Variants in AFG1L observed in about 807,000 individuals in gnomAD.
AFG1L encodes AFG1 like ATPase, also known as AFG1-like ATPase.
AFG1L carries 53 observed loss-of-function variants against 62.2 expected under a neutral mutation model. The ratio of observed to expected loss-of-function variants is 0.85; its 90% CI spans 0.68 to 1.07. The LOEUF (loss-of-function observed/expected upper bound fraction) is 1.07. AFG1L is among the 50% of genes least tolerant of loss of function. AFG1L has a pLI of 0.00. For missense variants in AFG1L, 555 were observed against 590.5 expected, an observed-to-expected ratio of 0.94 and a Z score of 0.62; for synonymous variants, 228 against 210.3, an observed-to-expected ratio of 1.08 and a Z score of -0.73.
intron 8 of AFG1L, among the ~76,000 whole-genome samples, chr6:108,470,482 G>A (rs1335554807): frequency 6.6e-6 from 1 of 152,192 alleles, no homozygotes; most frequent in Admixed American, 6.5e-5. Flanking sequence ...TGGCAGTTCT[G>A]TTTAGAAAGT....
chr6:108,364,193 A>G (rs1292060378), intron 5 of AFG1L, among the ~76,000 whole-genome samples: 7 of 152,140 alleles, frequency 4.6e-5, no homozygotes, highest in Non-Finnish European at 8.8e-5. Flanking sequence ...TCTTCTGTTC[A>G]CTTATACTGT....
intron 10 of AFG1L, among the ~76,000 whole-genome samples, chr6:108,488,577 G>A (rs1037939699): frequency 6.6e-6 from 1 of 152,058 alleles, no homozygotes; most frequent in Non-Finnish European, 1.5e-5. Flanking sequence ...TTGGGGCTGG[G>A]CGCAGTGGCT....
At chr6:108,442,196 T>C (rs1194721526) in intron 7 of AFG1L, among the ~76,000 whole-genome samples, 1 of 152,016 alleles carries the variant, frequency 6.6e-6, no homozygotes, top group East Asian at 1.9e-4. Flanking sequence ...CTTCTTTTTT[T>C]TTTTTACTGG....
intron 10 of AFG1L, among the ~76,000 whole-genome samples, chr6:108,497,364 G>A (rs911844057): frequency 7.3e-5 from 11 of 151,682 alleles, no homozygotes; most frequent in South Asian, 4.2e-4. Context: ...TTGTTTATTA[G>A]CCTCTTTTAC....
chr6:108,401,437 C>T (rs868665012), intron 6 of AFG1L, among the ~76,000 whole-genome samples: 19 of 151,940 alleles, frequency 1.3e-4, no homozygotes, highest in African/African-American at 3.1e-4. Flanking sequence ...CCACCGCGCC[C>T]GGCCGCCTGG....
intron 1 of AFG1L, among the ~76,000 whole-genome samples, chr6:108,318,789 G>T (rs772380142): frequency 2.6e-5 from 4 of 152,154 alleles, no homozygotes; most frequent in Non-Finnish European, 5.9e-5. Context: ...TGGAACTTCC[G>T]AATGGCATTT....
chr6:108,395,053 C>G (rs1781229365), intron 6 of AFG1L, among the ~76,000 whole-genome samples: 1 of 152,178 alleles, frequency 6.6e-6, no homozygotes, highest in South Asian at 2.1e-4. Context: ...ATCTAAATAG[C>G]CTGGCCAGCA....
intron 2 of AFG1L, among the ~76,000 whole-genome samples, chr6:108,344,151 T>C (rs1778781003): frequency 6.6e-6 from 1 of 152,156 alleles, no homozygotes; most frequent in African/African-American, 2.4e-5. Flanking sequence ...TCTCGTTCTG[T>C]TGCCCAGGCT....
At chr6:108,495,068 C>T (rs1004769292) in intron 10 of AFG1L, among the ~76,000 whole-genome samples, 1 of 152,114 alleles carries the variant, frequency 6.6e-6, no homozygotes, top group African/African-American at 2.4e-5. Context: ...AGCCACCACA[C>T]CCAGCCTTGT....
At position 108,516,991 on chromosome 6, in the gene AFG1L, T is replaced by G. The variant is rs541075723; in HGVS notation, c.1204-2706T>G. Among the ~76,000 whole-genome samples the G allele has an allele frequency of 2.6e-5, 4 of 152,092 alleles. 1 individual carries two copies. The South Asian group carries it at 8.3e-4, about 32-fold the overall frequency. Reference sequence around the variant, plus strand: ...AGGAGAGCTACAAACCACTGCTCAATGAAATAAAAGAGGATACAAACAAAT... The same window carrying G: ...AGGAGAGCTACAAACCACTGCTCAAGGAAATAAAAGAGGATACAAACAAAT... On this transcript the variant is annotated intron_variant, in intron 11 of 12. Transcript: ENST00000368977.
intron 7 of AFG1L, among the ~76,000 whole-genome samples, chr6:108,417,365 A>G (rs1770365409): frequency 6.6e-6 from 1 of 152,064 alleles, no homozygotes; most frequent in Non-Finnish European, 1.5e-5. Flanking sequence ...GAGGTAGCAC[A>G]TGTCAGGAGT....
intron 7 of AFG1L, among the ~76,000 whole-genome samples, chr6:108,435,606 A>T (rs1424182507): frequency 3.3e-5 from 5 of 152,206 alleles, no homozygotes; most frequent in African/African-American, 9.6e-5. Flanking sequence ...GAATCGCTTG[A>T]GGCCAGGAGA....
chr6:108,382,833 T>C (rs1462428650), intron 6 of AFG1L, among the ~76,000 whole-genome samples: 2 of 152,180 alleles, frequency 1.3e-5, no homozygotes, highest in Admixed American at 1.3e-4. Flanking sequence ...CATATCTTGA[T>C]TGTAGAGTTG....
chr6:108,323,952 GGAT>G lies in AFG1L; in HGVS notation c.273_275del (p.Asp91del). 6.2e-7 allele frequency: 1 copy of G among 1,614,084 alleles called. No individual in the cohort carries two copies. Among genetic ancestry groups the G allele is most frequent in the Non-Finnish European group, 8.5e-7 (1 of 1,179,966 alleles). On this transcript the variant is annotated inframe_deletion, in exon 2 of 13. Coordinates refer to ENST00000368977, the MANE Select transcript of AFG1L (RefSeq NM_145315.5). Reference sequence around the variant, plus strand: ...TTCTGATCAAAGCTCATGAGCTAAAGGATGATGAACATCAAAGAAGAGTCATAC... The same window carrying G: ...TTCTGATCAAAGCTCATGAGCTAAAGGATGAACATCAAAGAAGAGTCATAC...
intron 10 of AFG1L, among the ~76,000 whole-genome samples, chr6:108,497,132 C>T (rs1331380168): frequency 6.6e-6 from 1 of 151,920 alleles, no homozygotes; most frequent in Non-Finnish European, 1.5e-5. Context: ...AAGTTTATAA[C>T]TTTTTTTTAG....
At chr6:108,358,047 T>G (rs1779366176) in intron 5 of AFG1L, among the ~76,000 whole-genome samples, 1 of 152,226 alleles carries the variant, frequency 6.6e-6, no homozygotes, top group Non-Finnish European at 1.5e-5. Flanking sequence ...AAGTAAAGGC[T>G]TTATGGAAAA....
At chr6:108,388,136 G>A (rs935678842) in intron 6 of AFG1L, 1 of 152,138 alleles carries the variant, frequency 6.6e-6, no homozygotes, top group African/African-American at 2.4e-5. Flanking sequence ...AAAGTTAACA[G>A]GATGATTCTG....
chr6:108,423,025 C>A (rs188285553), intron 7 of AFG1L, among the ~76,000 whole-genome samples: 1 of 152,126 alleles, frequency 6.6e-6, no homozygotes, highest in African/African-American at 2.4e-5. Flanking sequence ...ATAATTATGG[C>A]TGATTGTGTT....
chr6:108,319,638 C>A, intron 1 of AFG1L: 1 of 190,968 alleles, frequency 5.2e-6, no homozygotes. Context: ...TGCTATGTTG[C>A]CAAGGCTGGA....
Sources: gnomAD v4.1 joint callset for allele counts (sites outside exome capture counted in the v4.1 genomes callset) on GRCh38, gnomAD v4.1.1 for gene constraint, MANE v1.5 for transcripts, NCBI Gene and HGNC (gene_info 2026-07-23, HGNC 2026-07-21) for gene names.